The following MRPS27 variants were observed in gnomAD, a reference collection of about 807,000 sequenced individuals.
MRPS27 encodes the protein mitochondrial ribosomal protein S27.
MRPS27 carries 43 observed loss-of-function variants against 48.9 expected under a neutral mutation model. The ratio of observed to expected loss-of-function variants is 0.88; its 90% CI spans 0.69 to 1.13. The LOEUF is 1.13. Among genes scored for constraint, MRPS27 ranks in the 50% most tolerant of loss-of-function variants. The pLI, the probability that MRPS27 is intolerant of heterozygous loss-of-function variation, is 0.00. For synonymous variants in MRPS27, 188 were observed against 171.9 expected, an observed-to-expected ratio of 1.09 and a Z score of -0.73; for missense variants, 467 against 476.3, an observed-to-expected ratio of 0.98 and a Z score of 0.18.
At chr5:72,277,840 C>T (rs941612264) in intron 4 of MRPS27, among the ~76,000 whole-genome samples, 5 of 152,172 alleles carry the variant, frequency 3.3e-5, no homozygotes, top group African/African-American at 9.6e-5. Context: ...AACCCAGGAA[C>T]AGAAAATCAA....
chr5:72,288,423 G>A (rs1222425192), intron 4 of MRPS27, among the ~76,000 whole-genome samples: 1 of 152,164 alleles, frequency 6.6e-6, no homozygotes, highest in Non-Finnish European at 1.5e-5. Flanking sequence ...GTGTTAGCAA[G>A]GATGGTCTCG....
intron 1 of MRPS27, among the ~76,000 whole-genome samples, chr5:72,319,223 A>G (rs995346693): frequency 1.3e-5 from 2 of 152,204 alleles, no homozygotes; most frequent in Non-Finnish European, 2.9e-5. Context: ...CTTTTTTCCA[A>G]TGTTTTCATT....
At chr5:72,242,844 C>T (rs867731722) in intron 4 of MRPS27, among the ~76,000 whole-genome samples, 1 of 152,194 alleles carries the variant, frequency 6.6e-6, no homozygotes, top group African/African-American at 2.4e-5. Context: ...TCAGCATTTT[C>T]GGTCTCACAA....
intron 4 of MRPS27, among the ~76,000 whole-genome samples, chr5:72,239,666 T>C (rs1056426017): frequency 2.0e-5 from 3 of 152,096 alleles, no homozygotes; most frequent in Non-Finnish European, 2.9e-5. Context: ...TTCCCTCATA[T>C]TTGTTTTTAT....
chr5:72,303,145 G>A (rs1174189469), intron 2 of MRPS27, among the ~76,000 whole-genome samples: 1 of 152,208 alleles, frequency 6.6e-6, no homozygotes, highest in African/African-American at 2.4e-5. Flanking sequence ...GGAGAAAAGG[G>A]TTAAAGAATA....
At chr5:72,271,646 T>G (rs1189912024) in intron 4 of MRPS27, among the ~76,000 whole-genome samples, 1 of 152,222 alleles carries the variant, frequency 6.6e-6, no homozygotes, top group Non-Finnish European at 1.5e-5. Flanking sequence ...ATGAGACAAC[T>G]GACAAAATTT....
chr5:72,295,143 C>A (rs1749942517), intron 4 of MRPS27, among the ~76,000 whole-genome samples: 1 of 152,064 alleles, frequency 6.6e-6, no homozygotes, highest in African/African-American at 2.4e-5. Flanking sequence ...TGTAAAAATA[C>A]ATGTCTCTCA....
chr5:72,282,830 G>A (rs566378851), intron 4 of MRPS27, among the ~76,000 whole-genome samples: 1 of 152,278 alleles, frequency 6.6e-6, no homozygotes, highest in East Asian at 1.9e-4. Context: ...GATAGTAAAT[G>A]AAGTCTGTCA....
chr5:72,318,397 C>T (rs116392189), intron 1 of MRPS27, among the ~76,000 whole-genome samples: 67 of 152,326 alleles, frequency 4.4e-4, no homozygotes, highest in Non-Finnish European at 6.6e-4. Context: ...TCTATGCCTT[C>T]ATTCTAGCAT....
intron 7 of MRPS27, chr5:72,228,654 C>T: frequency 3.7e-6 from 1 of 270,806 alleles, no homozygotes; most frequent in Non-Finnish European, 6.9e-6. Context: ...AAAAATTTGG[C>T]AATGAATAAG....
chr5:72,221,463 A>C (rs1052313475), intron 10 of MRPS27, among the ~76,000 whole-genome samples: 2 of 152,174 alleles, frequency 1.3e-5, no homozygotes, highest in African/African-American at 4.8e-5. Context: ...TTTCACTCAA[A>C]AACAGTAAAT....
chr5:72,288,243 T>C (rs1412382155), intron 4 of MRPS27, among the ~76,000 whole-genome samples: 1 of 151,696 alleles, frequency 6.6e-6, no homozygotes, highest in Non-Finnish European at 1.5e-5. Flanking sequence ...AGTCTTGCTC[T>C]GTCGCCCAGG....
At chr5:72,256,109 T>C (rs1748798347) in intron 4 of MRPS27, among the ~76,000 whole-genome samples, 1 of 152,212 alleles carries the variant, frequency 6.6e-6, no homozygotes, top group Admixed American at 6.5e-5. Context: ...ACCTCAGCCC[T>C]AGAACTTCCA....
chr5:72,228,409 G>A, intron 7 of MRPS27, 41 bp from the exon 8 acceptor site: 2 of 1,370,340 alleles, frequency 1.5e-6, no homozygotes, highest in South Asian at 1.2e-5. Context: ...TCTAAGCAAT[G>A]AGTACTTTAT....
intron 4 of MRPS27, among the ~76,000 whole-genome samples, chr5:72,283,859 C>T (rs1435655586): frequency 3.3e-5 from 5 of 152,096 alleles, no homozygotes; most frequent in African/African-American, 1.2e-4. Context: ...TTTGACTCTC[C>T]TTGTTTTCTG....
At chr5:72,285,725 A>G (rs1176261306) in intron 4 of MRPS27, among the ~76,000 whole-genome samples, 1 of 152,208 alleles carries the variant, frequency 6.6e-6, no homozygotes, top group Non-Finnish European at 1.5e-5. Context: ...GAGTCTCACT[A>G]TGTTGCTCAG....
chr5:72,282,406 G>T (rs1386983198), intron 4 of MRPS27, among the ~76,000 whole-genome samples: 2 of 152,034 alleles, frequency 1.3e-5, no homozygotes, highest in African/African-American at 4.8e-5. Context: ...CTGAAGTAGG[G>T]TTTATATAAT....
chr5:72,244,324 A>G (rs1381713939), intron 4 of MRPS27, among the ~76,000 whole-genome samples: 2 of 152,164 alleles, frequency 1.3e-5, no homozygotes, highest in African/African-American at 4.8e-5. Context: ...TAACAGAGGG[A>G]CTTGTTAGAT....
chr5:72,228,176 T>C (rs774804414), intron 8 of MRPS27, 90 bp downstream of exon 8: 3 of 1,202,092 alleles, frequency 2.5e-6, no homozygotes, highest in Non-Finnish European at 3.6e-6. Flanking sequence ...CACTGGTAAA[T>C]TTAAATCAAA....
Sources: allele counts gnomAD v4.1 joint callset (sites outside exome capture counted in the v4.1 genomes callset), GRCh38; gene constraint gnomAD v4.1.1; transcripts MANE v1.5; gene names NCBI Gene and HGNC (gene_info 2026-07-23, HGNC 2026-07-21).